The following NRG3 variants were observed in gnomAD, a reference collection of about 807,000 sequenced individuals.
NRG3 encodes the protein pro-neuregulin-3, membrane-bound isoform.
A neutral mutation model predicts 66.9 loss-of-function variants in NRG3; 31 were observed. That is an observed-to-expected ratio of 0.46 (90% confidence interval 0.35 to 0.63). The LOEUF is 0.63. Ranked by LOEUF, NRG3 falls within the 20% of genes least tolerant of loss-of-function variation. NRG3 has a pLI of 0.00. For synonymous variants in NRG3, 393 were observed against 359.4 expected, an observed-to-expected ratio of 1.09 and a Z score of -1.06; for missense variants, 910 against 878.9, an observed-to-expected ratio of 1.04 and a Z score of -0.45.
At chr10:82,829,747 G>T (rs2062420366) in intron 3 of NRG3, among the ~76,000 whole-genome samples, 2 of 152,168 alleles carry the variant, frequency 1.3e-5, no homozygotes. Context: ...TTGTTTGGTT[G>T]TGTGATTACA....
At chr10:81,881,471 G>A (rs1842175685) in intron 1 of NRG3, among the ~76,000 whole-genome samples, 1 of 151,972 alleles carries the variant, frequency 6.6e-6, no homozygotes, top group Non-Finnish European at 1.5e-5. Flanking sequence ...CCATAGATTG[G>A]TATACAAATC....
chr10:82,250,247 T>A (rs973926908), intron 1 of NRG3, among the ~76,000 whole-genome samples: 2 of 152,236 alleles, frequency 1.3e-5, no homozygotes, highest in East Asian at 1.9e-4. Flanking sequence ...GGAAGGTTTT[T>A]AAAAATTTTT....
At chr10:82,984,076 G>T (rs1853198156) in intron 8 of NRG3, among the ~76,000 whole-genome samples, 1 of 152,234 alleles carries the variant, frequency 6.6e-6, no homozygotes, top group South Asian at 2.1e-4. Context: ...TGTATGGAAG[G>T]TTGATATGTT....
rs1844712970 is a variant in NRG3, at chr10:82,506,684, T to A, written c.953+147816T>A. ...ATCAGCTGTGGAGCAGGCTTCCAGT[T>A]TCATGGAATTTACATGTTTGAGGAA... On this transcript the variant is annotated intron_variant, in intron 2 of 8. Coordinates refer to ENST00000372141, the MANE Select transcript of NRG3 (RefSeq NM_001010848.4). 2.6e-5 allele frequency among the ~76,000 whole-genome samples: 4 copies of A among 152,164 alleles called. No homozygotes were observed. The South Asian group carries it at 8.3e-4, about 32-fold the overall frequency.
At chr10:82,370,504 A>C (rs568321339) in intron 2 of NRG3, among the ~76,000 whole-genome samples, 3 of 118,918 alleles carry the variant, frequency 2.5e-5, no homozygotes, top group South Asian at 4.6e-4. Flanking sequence ...CCAAAAGGCA[A>C]CTTTTTGGGC....
At chr10:82,499,875 T>C (rs973236679) in intron 2 of NRG3, among the ~76,000 whole-genome samples, 2 of 152,132 alleles carry the variant, frequency 1.3e-5, no homozygotes, top group Admixed American at 6.6e-5. Flanking sequence ...AGCTTGAAAG[T>C]TGTGATAATC....
At chr10:82,000,599 A>G (rs1354419282) in intron 1 of NRG3, among the ~76,000 whole-genome samples, 3 of 152,172 alleles carry the variant, frequency 2.0e-5, no homozygotes, top group Non-Finnish European at 4.4e-5. Context: ...CAACAAGTCA[A>G]CTTACTTATG....
At chr10:81,907,501 C>T (rs2132711589) in intron 1 of NRG3, among the ~76,000 whole-genome samples, 1 of 152,216 alleles carries the variant, frequency 6.6e-6, no homozygotes, top group Non-Finnish European at 1.5e-5. Flanking sequence ...TATGTGTATT[C>T]ATTTATTCAT....
intron 1 of NRG3, among the ~76,000 whole-genome samples, chr10:82,166,119 T>G (rs959460370): frequency 2.0e-5 from 3 of 152,036 alleles, no homozygotes; most frequent in Admixed American, 2.0e-4. Context: ...GCCTCCCAGG[T>G]TCAAGCAATT....
At chr10:82,038,479 G>C (rs1190791298) in intron 1 of NRG3, among the ~76,000 whole-genome samples, 1 of 152,076 alleles carries the variant, frequency 6.6e-6, no homozygotes, top group African/African-American at 2.4e-5. Context: ...TCAAGAAAAG[G>C]GGCAATGCTC....
chr10:82,131,221 A>G (rs1323008862), intron 1 of NRG3, among the ~76,000 whole-genome samples: 1 of 152,164 alleles, frequency 6.6e-6, no homozygotes, highest in Non-Finnish European at 1.5e-5. Flanking sequence ...ATTTCTGTAT[A>G]TGGCAAGAGA....
intron 1 of NRG3, among the ~76,000 whole-genome samples, chr10:81,950,623 T>A (rs1356810626): frequency 6.6e-6 from 1 of 152,218 alleles, no homozygotes; most frequent in Non-Finnish European, 1.5e-5. Flanking sequence ...GGTAAACTGC[T>A]GCCTTCAGAT....
intron 1 of NRG3, among the ~76,000 whole-genome samples, chr10:81,932,965 C>T (rs1159871280): frequency 2.0e-5 from 3 of 151,916 alleles, no homozygotes; most frequent in African/African-American, 7.3e-5. Flanking sequence ...GAAAGTTAGC[C>T]AGGCGTGATG....
intron 1 of NRG3, among the ~76,000 whole-genome samples, chr10:82,182,864 C>A (rs1643024323): frequency 6.6e-6 from 1 of 151,816 alleles, no homozygotes; most frequent in African/African-American, 2.4e-5. Flanking sequence ...AAAGTACATA[C>A]CTTCATTTTT....
chr10:82,159,440 T>C (rs570619564), intron 1 of NRG3, among the ~76,000 whole-genome samples: 101 of 151,998 alleles, frequency 6.6e-4, no homozygotes, highest in Non-Finnish European at 1.3e-3. Flanking sequence ...TTTCTGTTGT[T>C]CCATCTATTG....
chr10:82,462,960 G>T (rs746844052), intron 2 of NRG3, among the ~76,000 whole-genome samples: 23 of 152,148 alleles, frequency 1.5e-4, no homozygotes, highest in Non-Finnish European at 3.2e-4. Flanking sequence ...TATAGGGCTG[G>T]TCTTGAACCC....
chr10:82,985,169 A>G lies in NRG3; in HGVS notation c.1655A>G (p.Asn552Ser), dbSNP rs756519424. 15 of 1,614,036 alleles carry G rather than the reference A, an allele frequency of 9.3e-6. No homozygotes were observed. The highest frequency in any genetic ancestry group is 1.3e-5 in the Non-Finnish European group (15 of 1,179,990). The part of the protein sequence containing the change: ...INMQLPSRET[N>S]PYFNSLEQKD... ...ATGCAACTGCCTTCAAGAGAGACAA[A>G]CCCCTATTTTAATAGCTTGGAGCAA... The change falls in exon 9 of 9, where the codon AAC becomes AGC. Residue 552 changes from asparagine to serine, a missense_variant. Transcript: ENST00000372141.
chr10:82,486,879 C>T (rs1842726431), intron 2 of NRG3, among the ~76,000 whole-genome samples: 1 of 151,916 alleles, frequency 6.6e-6, no homozygotes, highest in Non-Finnish European at 1.5e-5. Context: ...TCAGCCGAAC[C>T]CACAGAAGCA....
At chr10:82,790,821 T>G (rs536171261) in intron 3 of NRG3, among the ~76,000 whole-genome samples, 6 of 152,130 alleles carry the variant, frequency 3.9e-5, no homozygotes, top group South Asian at 4.1e-4. Context: ...CTATCATAAA[T>G]TCACTGTTTT....
Sources: gnomAD v4.1 joint callset for allele counts (sites outside exome capture counted in the v4.1 genomes callset) on GRCh38, gnomAD v4.1.1 for gene constraint, MANE v1.5 for transcripts, NCBI Gene and HGNC (gene_info 2026-07-23, HGNC 2026-07-21) for gene names.